Variants in APH1B observed in about 807,000 individuals in gnomAD.
APH1B encodes gamma-secretase subunit APH-1B.
In APH1B, 27 loss-of-function variants were observed where a neutral mutation model predicts 28.2. The observed-to-expected ratio is 0.96, with a 90% CI of 0.70 to 1.32. APH1B has a LOEUF of 1.32. Among genes scored for constraint, APH1B ranks in the 40% most tolerant of loss-of-function variants. APH1B has a pLI of 0.00. For synonymous variants in APH1B, 141 were observed against 124.6 expected (o/e 1.13, Z -0.88); for missense variants, 305 against 313.6 (o/e 0.97, Z 0.21).
At chr15:63,285,953 T>TGA in intron 2 of APH1B, among the ~76,000 whole-genome samples, 1 of 152,350 alleles carries the variant, frequency 6.6e-6, no homozygotes, top group African/African-American at 2.4e-5. Flanking sequence ...TAAATACTCG[T>TGA]GAGAGTTCAG....
intron 3 of APH1B, 121 bp from the exon 4 acceptor site, chr15:63,287,303 T>G: frequency 7.3e-7 from 1 of 1,377,072 alleles, no homozygotes; most frequent in Non-Finnish European, 9.8e-7. Context: ...AGCTGTCCAC[T>G]GCTTCAGGAA....
Position 63,306,892 on chromosome 15 carries a change from A to C in APH1B, c.*1111A>C, listed in dbSNP as rs2038692776. 1.3e-5 allele frequency: 2 copies of C among 152,226 alleles called. No individual in the cohort carries two copies. Among genetic ancestry groups the C allele is most frequent in the South Asian group, 4.1e-4 (2 of 4,826 alleles). The allele number at this position is 152,226 out of a possible 1,614,324, so 9.4% of individuals were successfully genotyped here. A position where few individuals can be genotyped will look rare whatever the true frequency, so the allele number is the denominator to read the frequency against. Reference sequence around the variant, plus strand: ...ATTGCATAATCCATATGCTCTTTAGATCTAGTCAGTGTCTCTGGGTTTTGG... The same window carrying C: ...ATTGCATAATCCATATGCTCTTTAGCTCTAGTCAGTGTCTCTGGGTTTTGG... On this transcript the variant is annotated 3_prime_UTR_variant, in exon 6 of 6. Transcript: ENST00000261879.
chr15:63,278,323 C>T lies in APH1B; in HGVS notation c.113+587C>T, dbSNP rs1298976693. The T allele has an allele frequency of 4.4e-6, 2 of 456,724 alleles. 1 individual carries two copies. Among genetic ancestry groups the T allele is most frequent in the South Asian group, 3.1e-5 (2 of 64,572 alleles). 28.3% of individuals were successfully genotyped at this position (456,724 alleles called of 1,614,324 possible). On this transcript the variant is annotated intron_variant, in intron 1 of 5. Coordinates refer to ENST00000261879, the MANE Select transcript of APH1B (RefSeq NM_031301.4). ...GTGGAAACCTGTAAAAACACCGAAGCACCTGACTGTGCGTCTCCTTCTGGG... is the reference window on the plus strand; with the variant it reads ...GTGGAAACCTGTAAAAACACCGAAGTACCTGACTGTGCGTCTCCTTCTGGG...
At chr15:63,287,739 G>A (rs1049298939) in intron 4 of APH1B, among the ~76,000 whole-genome samples, 193 bp downstream of exon 4, 3 of 152,212 alleles carry the variant, frequency 2.0e-5, no homozygotes, top group African/African-American at 7.2e-5. Flanking sequence ...GAATTTTGGA[G>A]TGGAATTTAG....
rs2038540275 is a variant in APH1B at position 63,294,293 on chromosome 15, A to G, written c.478+6747A>G. Among the ~76,000 whole-genome samples the G allele has an allele frequency of 1.3e-5, 2 of 152,218 alleles. 1 individual carries two copies. The highest frequency in any genetic ancestry group is 4.1e-4 in the South Asian group (2 of 4,834). Reference sequence around the variant, plus strand: ...CTAATATTTATCATTTGAAAGGGAAAAAAAATCCCACTATTTCCAACTTTA... The same window carrying G: ...CTAATATTTATCATTTGAAAGGGAAGAAAAATCCCACTATTTCCAACTTTA... On this transcript the variant is annotated intron_variant, in intron 4 of 5. Coordinates refer to ENST00000261879, the MANE Select transcript of APH1B (RefSeq NM_031301.4).
Position 63,308,993 on chromosome 15 carries a change from T to G in APH1B, c.*3212T>G, listed in dbSNP as rs2038715162. 2 of 152,242 alleles carry G rather than the reference T, an allele frequency of 1.3e-5. No homozygotes were observed. The highest frequency in any genetic ancestry group is 6.5e-5 in the Admixed American group (1 of 15,286). 9.4% of individuals were successfully genotyped at this position (152,242 alleles called of 1,614,324 possible). On this transcript the variant is annotated 3_prime_UTR_variant, in exon 6 of 6. Coordinates refer to ENST00000261879, the MANE Select transcript of APH1B (RefSeq NM_031301.4). ...GCGGGTACTGTCACTGTGTAAAATA[T>G]GTAATATTTTATATGTTATACCATG...
chr15:63,282,095 T>C (rs958616973), intron 2 of APH1B, among the ~76,000 whole-genome samples: 3 of 152,244 alleles, frequency 2.0e-5, no homozygotes, highest in African/African-American at 7.2e-5. Flanking sequence ...TTAAATGTTA[T>C]GTAGATGTAT....
chr15:63,293,157 A>T (rs2038523468), intron 4 of APH1B, among the ~76,000 whole-genome samples: 1 of 149,180 alleles, frequency 6.7e-6, no homozygotes, highest in Admixed American at 6.6e-5. Flanking sequence ...ATTTTATTTT[A>T]TTTTACTTTT....
chr15:63,286,821 C>T (rs2038452094), intron 3 of APH1B, among the ~76,000 whole-genome samples, 193 bp downstream of exon 3: 1 of 152,108 alleles, frequency 6.6e-6, no homozygotes, highest in Non-Finnish European at 1.5e-5. Flanking sequence ...GTGACCCTTA[C>T]CTGTATGTCC....
intron 4 of APH1B, among the ~76,000 whole-genome samples, chr15:63,298,906 A>C (rs1045136853): frequency 6.6e-6 from 1 of 152,054 alleles, no homozygotes; most frequent in African/African-American, 2.4e-5. Context: ...GTAAAAAAAA[A>C]AAAAAAGGAG....
At chr15:63,299,148 A>G (rs879227874) in intron 4 of APH1B, among the ~76,000 whole-genome samples, 8 of 152,280 alleles carry the variant, frequency 5.3e-5, no homozygotes, top group Admixed American at 5.2e-4. Flanking sequence ...AGTAGAGAAC[A>G]TGGTGTCAAG....
chr15:63,281,692 C>A (rs1181905462), intron 2 of APH1B, among the ~76,000 whole-genome samples: 1 of 151,982 alleles, frequency 6.6e-6, no homozygotes, highest in Non-Finnish European at 1.5e-5. Flanking sequence ...GAAATGGCAA[C>A]ATTTTCCTGG....
At position 63,289,820 on chromosome 15, in the gene APH1B, T is replaced by C. The variant is rs554318815; in HGVS notation, c.478+2274T>C. ...GAGTTTGAGACCAGCCTGGGCAATA[T>C]AGTGAGACCTTGTCTCTACTAAAAA... On this transcript the variant is annotated intron_variant, in intron 4 of 5. Transcript: ENST00000261879. 4.6e-5 allele frequency among the ~76,000 whole-genome samples: 7 copies of C among 152,280 alleles called. No individual in the cohort carries two copies. The East Asian group carries it at 1.4e-3, about 29-fold the overall frequency.
At chr15:63,289,535 A>G (rs1415062102) in intron 4 of APH1B, among the ~76,000 whole-genome samples, 1 of 152,230 alleles carries the variant, frequency 6.6e-6, no homozygotes, top group African/African-American at 2.4e-5. Context: ...ATGCTCCAAC[A>G]TCCAAAACTT....
intron 4 of APH1B, among the ~76,000 whole-genome samples, chr15:63,294,062 G>A (rs767738683): frequency 4.6e-5 from 7 of 151,750 alleles, no homozygotes; most frequent in Non-Finnish European, 8.8e-5. Flanking sequence ...TTTAATTTTC[G>A]GTGTTTTGGG....
intron 4 of APH1B, among the ~76,000 whole-genome samples, chr15:63,301,989 A>G (rs540789392): frequency 6.6e-6 from 1 of 152,318 alleles, no homozygotes; most frequent in African/African-American, 2.4e-5. Flanking sequence ...GCCTTGTTTA[A>G]ACAGAAGATA....
chr15:63,278,522 C>A (rs906843333), intron 1 of APH1B, among the ~76,000 whole-genome samples: 2 of 152,204 alleles, frequency 1.3e-5, no homozygotes, highest in East Asian at 1.9e-4. Context: ...TGCTTCGCTG[C>A]ATGTCATTTT....
chr15:63,301,399 A>C (rs1482181701), intron 4 of APH1B, among the ~76,000 whole-genome samples: 3 of 152,078 alleles, frequency 2.0e-5, no homozygotes, highest in Non-Finnish European at 4.4e-5. Context: ...TTCCATGTTA[A>C]CCTTTGCAGA....
intron 4 of APH1B, among the ~76,000 whole-genome samples, chr15:63,299,794 A>G (rs541771664): frequency 3.9e-5 from 6 of 152,152 alleles, no homozygotes; most frequent in South Asian, 2.1e-4. Flanking sequence ...TTCCCCACTC[A>G]GTATTGGTCG....
Sources: allele counts gnomAD v4.1 joint callset (sites outside exome capture counted in the v4.1 genomes callset), GRCh38; gene constraint gnomAD v4.1.1; transcripts MANE v1.5; gene names NCBI Gene and HGNC (gene_info 2026-07-23, HGNC 2026-07-21).